Variants in ZBTB40 observed in about 807,000 individuals in gnomAD.
ZBTB40 encodes the protein zinc finger and BTB domain containing 40.
A neutral mutation model predicts 117.5 loss-of-function variants in ZBTB40; 60 were observed. The observed-to-expected ratio is 0.51, with a 90% CI of 0.41 to 0.63. ZBTB40 has a LOEUF of 0.63. Ranked by LOEUF, ZBTB40 falls within the 30% of genes least tolerant of loss-of-function variation. ZBTB40 has a pLI of 0.00. For missense variants in ZBTB40, 1,287 were observed against 1,498.5 expected (o/e 0.86, Z 2.33); for synonymous variants, 525 against 577.1 (o/e 0.91, Z 1.29).
chr1:22,479,274 A>G (rs1042567448), intron 1 of ZBTB40, among the ~76,000 whole-genome samples: 19 of 152,066 alleles, frequency 1.2e-4, no homozygotes, highest in African/African-American at 4.3e-4. Context: ...ATTTTAGTGG[A>G]GATGATGTTT....
intron 2 of ZBTB40, 121 bp downstream of exon 2, chr1:22,490,766 A>G: frequency 9.1e-7 from 1 of 1,094,076 alleles, no homozygotes; most frequent in Non-Finnish European, 1.3e-6. Flanking sequence ...TCAGTGCAGT[A>G]CCGTACTGGG....
chr1:22,512,856 C>A (rs759255257), intron 11 of ZBTB40, 68 bp from the exon 12 acceptor site: 22 of 1,557,448 alleles, frequency 1.4e-5, no homozygotes, highest in Non-Finnish European at 1.9e-5. Context: ...CTCTTGGTAT[C>A]CTGTGCTAGA....
intron 13 of ZBTB40, chr1:22,519,518 A>C (rs1444844847): frequency 5.4e-6 from 1 of 185,204 alleles, no homozygotes; most frequent in Non-Finnish European, 1.1e-5. Flanking sequence ...TATTGGAAGG[A>C]TTAAGTGAGT....
At chr1:22,433,445 A>AAAAC (rs1640626287) in intron 1 of ZBTB40, among the ~76,000 whole-genome samples, 3 of 90,406 alleles carry the variant, frequency 3.3e-5, no homozygotes, top group Non-Finnish European at 6.3e-5. Context: ...AAAAAAAAAA[A>AAAAC]AAAAAAAAAA....
chr1:22,521,895 G>C (rs751287828), intron 15 of ZBTB40, among the ~76,000 whole-genome samples: 1 of 152,220 alleles, frequency 6.6e-6, no homozygotes, highest in African/African-American at 2.4e-5. Flanking sequence ...CTGAGTGAGA[G>C]CTTGTTGGGG....
intron 3 of ZBTB40, among the ~76,000 whole-genome samples, chr1:22,496,307 C>T (rs1430229402): frequency 6.6e-6 from 1 of 152,174 alleles, no homozygotes; most frequent in East Asian, 1.9e-4. Context: ...AGACACCACC[C>T]ATGGTCCCTG....
intron 1 of ZBTB40, among the ~76,000 whole-genome samples, chr1:22,442,437 T>G (rs1198772185): frequency 6.6e-6 from 1 of 150,916 alleles, no homozygotes; most frequent in East Asian, 1.9e-4. Context: ...TGGGGTTGTT[T>G]GTCGCCACAG....
chr1:22,489,095 C>T lies in ZBTB40; in HGVS notation c.-69-785C>T, dbSNP rs187535320. Among the ~76,000 whole-genome samples the T allele has an allele frequency of 2.3e-4, 35 of 152,212 alleles. No individual in the cohort carries two copies. The East Asian group carries it at 3.7e-3, about 16-fold the overall frequency. On this transcript the variant is annotated intron_variant, in intron 1 of 17. Coordinates refer to ENST00000375647, the MANE Select transcript of ZBTB40 (RefSeq NM_014870.4). The stretch of plus-strand genomic sequence containing the variant: ...TGGCAGGAGAGTTTTGGATATGTTA[C>T]GTTTCAGAAACCAGGTTCCAGTTGG...
Position 22,513,997 on chromosome 1 carries a change from G to A in ZBTB40, c.2668+867G>A, listed in dbSNP as rs1370714412. Among the ~76,000 whole-genome samples the A allele has an allele frequency of 6.6e-6, 1 of 152,248 alleles. No homozygotes were observed. The highest frequency in any genetic ancestry group is 1.9e-4 in the East Asian group (1 of 5,188). On this transcript the variant is annotated intron_variant, in intron 12 of 17. Coordinates refer to ENST00000375647, the MANE Select transcript of ZBTB40 (RefSeq NM_014870.4). This position sits in a 1 kb window ranked among gnomAD's most constrained non-coding sequence, Gnocchi z 4.9. ...GATCAGACAGTGGCAGATGCCGAGT[G>A]GCTGAGCTGGGATTCCTGTGTGCCC...
chr1:22,525,789 TG>T (rs1639660445), intron 17 of ZBTB40, among the ~76,000 whole-genome samples: 1 of 152,224 alleles, frequency 6.6e-6, no homozygotes, highest in Non-Finnish European at 1.5e-5. Flanking sequence ...CGGGCCCACC[TG>T]GGCCTGTGGT....
At chr1:22,493,166 T>C (rs922954508) in intron 3 of ZBTB40, among the ~76,000 whole-genome samples, 9 of 152,238 alleles carry the variant, frequency 5.9e-5, no homozygotes, top group Non-Finnish European at 1.0e-4. Flanking sequence ...CATTTCTTGT[T>C]CTAATCTTTT....
chr1:22,522,832 C>G (rs535349749), intron 16 of ZBTB40, among the ~76,000 whole-genome samples: 2 of 150,724 alleles, frequency 1.3e-5, no homozygotes, highest in Non-Finnish European at 2.9e-5. Flanking sequence ...GTGGTGCGAT[C>G]TCAGATCACT....
intron 13 of ZBTB40, among the ~76,000 whole-genome samples, chr1:22,518,348 C>A (rs576912434): frequency 6.6e-6 from 1 of 152,254 alleles, no homozygotes; most frequent in South Asian, 2.1e-4. Flanking sequence ...AATAATAATG[C>A]CACCACCTTG....
intron 1 of ZBTB40, among the ~76,000 whole-genome samples, chr1:22,464,305 T>C (rs1461627896): frequency 6.6e-6 from 1 of 152,192 alleles, no homozygotes; most frequent in Non-Finnish European, 1.5e-5. Context: ...GCTACATTGC[T>C]CATGAAAGCC....
At chr1:22,471,236 C>T (rs569355627) in intron 1 of ZBTB40, among the ~76,000 whole-genome samples, 1 of 152,364 alleles carries the variant, frequency 6.6e-6, no homozygotes, top group South Asian at 2.1e-4. Context: ...GATAACATAT[C>T]ACCATCCATC....
intron 1 of ZBTB40, among the ~76,000 whole-genome samples, chr1:22,465,220 C>T (rs145186805): frequency 5.3e-5 from 8 of 152,190 alleles, no homozygotes; most frequent in South Asian, 2.1e-4. Flanking sequence ...GTTGACTAGA[C>T]GTCTGCTGCT....
At position 22,502,378 on chromosome 1, in the gene ZBTB40, G is replaced by C. The variant is rs1638960554; in HGVS notation, c.1104G>C (p.Leu368=). 1.2e-6 allele frequency: 2 copies of C among 1,613,972 alleles called. No individual in the cohort carries two copies. Among genetic ancestry groups the C allele is most frequent in the African/African-American group, 1.3e-5 (1 of 74,912 alleles). Residue 368 remains leucine, a synonymous_variant, in exon 5 of 18, where the codon CTG becomes CTC. Transcript: ENST00000375647. The stretch of plus-strand genomic sequence containing the variant: ...ACCTGATACAGTGTGTAACACAGCT[G>C]AGACCTATTATGGAGTCCCTGGAAA... The part of the protein sequence containing the change: ...KEDLIQCVTQ[L]RPIMESLETA...
chr1:22,471,538 A>G (rs1212200234), intron 1 of ZBTB40, among the ~76,000 whole-genome samples: 1 of 152,164 alleles, frequency 6.6e-6, no homozygotes, highest in Non-Finnish European at 1.5e-5. Flanking sequence ...CCTCATTGAG[A>G]TGTTAGGGGA....
At chr1:22,508,763 C>T (rs1301055087) in intron 8 of ZBTB40, 32 bp downstream of exon 8, 14 of 1,605,420 alleles carry the variant, frequency 8.7e-6, no homozygotes, top group Non-Finnish European at 1.2e-5. Context: ...GGGGTTTTGC[C>T]CCCACTAGAG....
Sources: gnomAD v4.1 joint callset for allele counts (sites outside exome capture counted in the v4.1 genomes callset) on GRCh38, gnomAD v4.1.1 for gene constraint, Gnocchi (gnomAD v3.1) non-coding constraint, MANE v1.5 for transcripts, NCBI Gene and HGNC (gene_info 2026-07-23, HGNC 2026-07-21) for gene names.